COL13A1: variants seen among roughly 807,000 people sequenced by gnomAD.
The protein encoded by COL13A1 is collagen alpha-1(XIII) chain.
Under a neutral mutation model 130.9 loss-of-function variants are expected in COL13A1, and 89 were observed. The observed-to-expected ratio is 0.68, with a 90% confidence interval of 0.57 to 0.81. COL13A1 has a LOEUF of 0.81. COL13A1 is among the 30% of genes least tolerant of loss of function. COL13A1 has a pLI of 0.00. For synonymous variants in COL13A1, 402 were observed against 341.6 expected, an observed-to-expected ratio of 1.18 and a Z score of -1.95; for missense variants, 879 against 934.6, an observed-to-expected ratio of 0.94 and a Z score of 0.78.
At position 69,959,138 on chromosome 10, in the gene COL13A1, A is replaced by C. The variant is rs2071354658; in HGVS notation, c.*437A>C. 6.3e-6 allele frequency: 1 copy of C among 157,736 alleles called. No homozygotes were observed. The highest frequency in any genetic ancestry group is 2.4e-5 in the African/African-American group (1 of 41,554). 9.8% of individuals were successfully genotyped at this position (157,736 alleles called of 1,614,324 possible). On this transcript the variant is annotated 3_prime_UTR_variant, in exon 41 of 41. Coordinates refer to ENST00000645393, the MANE Select transcript of COL13A1 (RefSeq NM_001368882.1). The stretch of plus-strand genomic sequence containing the variant: ...TTTTCATTATTAAAGGAAATGAAAC[A>C]TGGCAATTCATGATCCTGATTAATC...
intron 23 of COL13A1, 119 bp downstream of exon 23, chr10:69,922,913 G>C (rs958910915): frequency 1.3e-4 from 79 of 629,404 alleles, no homozygotes; most frequent in Admixed American, 2.6e-4. Flanking sequence ...CCCTGCTCCA[G>C]ATGTGTGGTT....
chr10:69,937,520 C>T (rs915216590), intron 33 of COL13A1, 115 bp from the exon 34 acceptor site: 8 of 629,376 alleles, frequency 1.3e-5, no homozygotes, highest in African/African-American at 1.8e-5. Context: ...AGCCTGCCAC[C>T]CTGACCCCTC....
intron 7 of COL13A1, 123 bp downstream of exon 7, chr10:69,880,676 A>G (rs1353273549): frequency 9.9e-7 from 1 of 1,010,748 alleles, no homozygotes; most frequent in Non-Finnish European, 1.5e-6. Flanking sequence ...AGGCCACCGC[A>G]TGTGATGTGG....
At chr10:69,892,962 T>C (rs1177025948) in intron 10 of COL13A1, among the ~76,000 whole-genome samples, 3 of 152,166 alleles carry the variant, frequency 2.0e-5, no homozygotes, top group African/African-American at 7.2e-5. Context: ...CCCATCACAC[T>C]TATATCTCTG....
At chr10:69,940,520 G>T (rs918502536) in intron 34 of COL13A1, among the ~76,000 whole-genome samples, 7 of 152,194 alleles carry the variant, frequency 4.6e-5, no homozygotes, top group African/African-American at 1.7e-4. Flanking sequence ...AGCATGGCCT[G>T]ATCCAAACAG....
intron 10 of COL13A1, among the ~76,000 whole-genome samples, chr10:69,890,414 T>C (rs551760170): frequency 6.6e-6 from 1 of 152,286 alleles, no homozygotes; most frequent in South Asian, 2.1e-4. Context: ...CCTCCTAAGA[T>C]CCAGGTCGCA....
chr10:69,907,629 C>T (rs2062901972), intron 17 of COL13A1, among the ~76,000 whole-genome samples: 1 of 151,506 alleles, frequency 6.6e-6, no homozygotes. Context: ...CTAACCCACT[C>T]CCACAATAAC....
chr10:69,937,815 G>T, intron 34 of COL13A1, 100 bp downstream of exon 34: 1 of 651,366 alleles, frequency 1.5e-6, no homozygotes. Context: ...TCTAGAGTCT[G>T]AGCATCCAGA....
intron 31 of COL13A1, among the ~76,000 whole-genome samples, chr10:69,933,823 T>C (rs1240551713): frequency 6.6e-6 from 1 of 152,144 alleles, no homozygotes; most frequent in African/African-American, 2.4e-5. Context: ...ATAGTAATAA[T>C]AGTCACCACG....
rs1846332318 is a variant in COL13A1, at chr10:69,822,423, T to A, written c.349T>A (p.Cys117Ser). ...GGAGGCCCCAAAGACATCTCCAGGA[T>A]GTAACTGCCCACCAGGTAAGCAGCC... The part of the protein sequence containing the change: ...RREAPKTSPG[C>S]NCPPGPPGPT... The change falls in exon 2 of 41, where the codon TGT becomes AGT. Residue 117 changes from cysteine (C) to serine (S), a missense_variant. Transcript: ENST00000645393. 2 of 1,593,418 alleles carry A rather than the reference T, an allele frequency of 1.3e-6. No individual in the cohort carries two copies. The highest frequency in any genetic ancestry group is 1.7e-5 in the Admixed American group (1 of 57,468).
At chr10:69,891,570 C>G (rs867542985) in intron 10 of COL13A1, among the ~76,000 whole-genome samples, 1 of 152,186 alleles carries the variant, frequency 6.6e-6, no homozygotes, top group Non-Finnish European at 1.5e-5. Flanking sequence ...CATTTCCCCC[C>G]GCCCCTACCC....
chr10:69,874,526 C>A lies in COL13A1; in HGVS notation c.400-602C>A, dbSNP rs1405560825. On this transcript the variant is annotated intron_variant, in intron 4 of 40. Coordinates refer to ENST00000645393, the MANE Select transcript of COL13A1 (RefSeq NM_001368882.1). The stretch of plus-strand genomic sequence containing the variant: ...AAACAAAGCATTTCCCTTGGAGCAT[C>A]TGCAACTCGTGATTCGGCTGAATCC... Among the ~76,000 whole-genome samples, 2 of 152,244 alleles carry A rather than the reference C, an allele frequency of 1.3e-5. 1 individual carries two copies. Among genetic ancestry groups the A allele is most frequent in the Admixed American group, 1.3e-4 (2 of 15,286 alleles).
chr10:69,950,152 C>T (rs116247591), intron 38 of COL13A1, among the ~76,000 whole-genome samples: 1 of 152,200 alleles, frequency 6.6e-6, no homozygotes, highest in African/African-American at 2.4e-5. Flanking sequence ...TCCCCTCCCC[C>T]TCACCAGCTG....
intron 2 of COL13A1, chr10:69,860,672 TG>T: frequency 1.2e-5 from 2 of 161,934 alleles, no homozygotes; most frequent in South Asian, 5.1e-5. Flanking sequence ...TCCATCCCCC[TG>T]GGCAGAACCT....
chr10:69,847,732 G>A (rs1397229569), intron 2 of COL13A1, among the ~76,000 whole-genome samples: 2 of 152,216 alleles, frequency 1.3e-5, no homozygotes, highest in East Asian at 3.9e-4. Context: ...CTGGGAGGAA[G>A]GGACAAGGGC....
intron 24 of COL13A1, among the ~76,000 whole-genome samples, chr10:69,924,269 CAA>C (rs1398040054): frequency 6.6e-6 from 1 of 152,202 alleles, no homozygotes; most frequent in Non-Finnish European, 1.5e-5. Context: ...GGAGTCACAC[CAA>C]AGTGTTCCTG....
chr10:69,873,199 C>T (rs2059245754), intron 4 of COL13A1, among the ~76,000 whole-genome samples: 1 of 152,208 alleles, frequency 6.6e-6, no homozygotes, highest in Non-Finnish European at 1.5e-5. Context: ...ATTCCAGACC[C>T]TTACGTTCCT....
intron 2 of COL13A1, among the ~76,000 whole-genome samples, chr10:69,864,566 T>C (rs1395372610): frequency 3.3e-5 from 5 of 152,218 alleles, no homozygotes; most frequent in African/African-American, 7.2e-5. Flanking sequence ...ATGAGTATAC[T>C]TTATTCATCT....
chr10:69,923,719 G>A, intron 23 of COL13A1, 83 bp from the exon 24 acceptor site: 4 of 1,527,972 alleles, frequency 2.6e-6, no homozygotes, highest in Non-Finnish European at 3.6e-6. Context: ...ATCTAGGCAT[G>A]AGCGGCAAGA....
Sources: allele counts gnomAD v4.1 joint callset (sites outside exome capture counted in the v4.1 genomes callset), GRCh38; gene constraint gnomAD v4.1.1; transcripts MANE v1.5; gene names NCBI Gene and HGNC (gene_info 2026-07-23, HGNC 2026-07-21).